LRRTM4: variants seen among roughly 807,000 people sequenced by gnomAD.
LRRTM4 encodes leucine-rich repeat transmembrane neuronal protein 4.
LRRTM4 carries 25 observed loss-of-function variants against 47.6 expected under a neutral mutation model. That is an observed-to-expected ratio of 0.53 (90% CI 0.38 to 0.73). The LOEUF is 0.73. Ranked by LOEUF, LRRTM4 falls within the 30% of genes least tolerant of loss-of-function variation. LRRTM4 has a pLI of 0.00. For synonymous variants in LRRTM4, 311 were observed against 269.5 expected (o/e 1.15, Z -1.51); for missense variants, 638 against 713.4 (o/e 0.89, Z 1.20).
chr2:77,174,242 C>T (rs766788684), intron 3 of LRRTM4, among the ~76,000 whole-genome samples: 7 of 152,150 alleles, frequency 4.6e-5, no homozygotes, highest in Admixed American at 1.3e-4. Context: ...TTGTTTCCCT[C>T]CTAGGCCTGT....
intron 3 of LRRTM4, among the ~76,000 whole-genome samples, chr2:76,896,247 T>C (rs914312048): frequency 1.3e-5 from 2 of 151,858 alleles, no homozygotes; most frequent in South Asian, 2.1e-4. Context: ...ATTTAGCCTC[T>C]TGGTTATGTT....
intron 3 of LRRTM4, among the ~76,000 whole-genome samples, chr2:77,057,027 G>C (rs1013632388): frequency 3.3e-5 from 5 of 152,138 alleles, no homozygotes; most frequent in African/African-American, 1.2e-4. Context: ...CTATTCTTTT[G>C]CATATTGTTA....
intron 3 of LRRTM4, among the ~76,000 whole-genome samples, chr2:76,868,688 G>A (rs1672534169): frequency 6.6e-6 from 1 of 152,080 alleles, no homozygotes; most frequent in African/African-American, 2.4e-5. Flanking sequence ...AATATTCAGT[G>A]GATTTGCAAT....
intron 3 of LRRTM4, among the ~76,000 whole-genome samples, chr2:77,490,076 C>G (rs562861434): frequency 6.6e-6 from 1 of 152,066 alleles, no homozygotes; most frequent in African/African-American, 2.4e-5. Flanking sequence ...ATGGTGAAAC[C>G]CCATCTCTAC....
intron 3 of LRRTM4, among the ~76,000 whole-genome samples, chr2:76,904,901 C>A (rs980335825): frequency 6.6e-6 from 1 of 152,056 alleles, no homozygotes; most frequent in East Asian, 1.9e-4. Flanking sequence ...GCCAAGATGG[C>A]CAAATAGGAA....
intron 3 of LRRTM4, among the ~76,000 whole-genome samples, chr2:77,110,344 C>G (rs1057017722): frequency 6.6e-6 from 1 of 152,072 alleles, no homozygotes; most frequent in Admixed American, 6.5e-5. Context: ...AATACAATAA[C>G]ATCTTCAGGC....
intron 3 of LRRTM4, among the ~76,000 whole-genome samples, chr2:76,949,702 C>T (rs969254049): frequency 6.6e-6 from 1 of 151,942 alleles, no homozygotes; most frequent in African/African-American, 2.4e-5. Flanking sequence ...AAATGTGTTA[C>T]TTCTCTGTAA....
chr2:76,966,540 A>C (rs1676031864), intron 3 of LRRTM4, among the ~76,000 whole-genome samples: 1 of 151,484 alleles, frequency 6.6e-6, no homozygotes, highest in African/African-American at 2.4e-5. Context: ...GCAAGCAAAC[A>C]AACACAAGCA....
At chr2:76,951,147 A>G (rs1333223607) in intron 3 of LRRTM4, among the ~76,000 whole-genome samples, 2 of 152,120 alleles carry the variant, frequency 1.3e-5, no homozygotes, top group African/African-American at 2.4e-5. Context: ...GGAAAAAATT[A>G]TAAGTCTTGT....
intron 3 of LRRTM4, among the ~76,000 whole-genome samples, chr2:77,014,280 A>C (rs1243731765): frequency 6.6e-6 from 1 of 152,286 alleles, no homozygotes; most frequent in African/African-American, 2.4e-5. Flanking sequence ...TTGAGCACAT[A>C]CATATTAGAA....
intron 3 of LRRTM4, among the ~76,000 whole-genome samples, chr2:77,263,838 C>T (rs563789894): frequency 6.6e-6 from 1 of 152,044 alleles, no homozygotes; most frequent in African/African-American, 2.4e-5. Flanking sequence ...TGTTTTTATA[C>T]CTAGATTTCA....
At chr2:77,171,821 A>G (rs1463351570) in intron 3 of LRRTM4, among the ~76,000 whole-genome samples, 1 of 152,142 alleles carries the variant, frequency 6.6e-6, no homozygotes, top group East Asian at 1.9e-4. Context: ...TGCTCTTTAT[A>G]TAATTAGAAT....
intron 3 of LRRTM4, among the ~76,000 whole-genome samples, chr2:77,322,894 A>G (rs1677836205): frequency 6.6e-6 from 1 of 151,556 alleles, no homozygotes; most frequent in Admixed American, 6.6e-5. Flanking sequence ...TTTTCAAAAT[A>G]GAAATGTCAG....
intron 3 of LRRTM4, among the ~76,000 whole-genome samples, chr2:76,995,619 A>T (rs72823164): frequency 0.13 from 19,811 of 152,012 alleles, 1,572 homozygotes; most frequent in Non-Finnish European, 0.18. Context: ...TAGATCCAAA[A>T]AAGTCACAGT....
intron 3 of LRRTM4, among the ~76,000 whole-genome samples, chr2:77,228,734 T>C (rs115518759): frequency 0.015 from 2,331 of 152,344 alleles, 23 homozygotes; most frequent in Non-Finnish European, 0.022. Flanking sequence ...CCTGTCCTTG[T>C]TCATATCAGG....
intron 3 of LRRTM4, among the ~76,000 whole-genome samples, chr2:76,798,778 G>C (rs910571049): frequency 6.6e-6 from 1 of 150,836 alleles, no homozygotes; most frequent in African/African-American, 2.4e-5. Flanking sequence ...TATCACCACC[G>C]ATCCCACAGA....
intron 3 of LRRTM4, among the ~76,000 whole-genome samples, chr2:77,407,148 T>C (rs1440828104): frequency 1.3e-5 from 2 of 152,150 alleles, no homozygotes; most frequent in East Asian, 3.9e-4. Flanking sequence ...ATCTGCCCAT[T>C]TGCTTTCTGG....
chr2:77,139,526 G>A (rs1161065774), intron 3 of LRRTM4, among the ~76,000 whole-genome samples: 2 of 152,110 alleles, frequency 1.3e-5, no homozygotes, highest in African/African-American at 4.8e-5. Flanking sequence ...ATATCATACT[G>A]AATGGGCAAA....
chr2:77,091,466 T>C (rs556020956), intron 3 of LRRTM4, among the ~76,000 whole-genome samples: 2 of 150,476 alleles, frequency 1.3e-5, no homozygotes, highest in Admixed American at 1.3e-4. Flanking sequence ...TCCCCCATTT[T>C]ACCAGTCCTA....
Sources: gnomAD v4.1 joint callset for allele counts (sites outside exome capture counted in the v4.1 genomes callset) on GRCh38, gnomAD v4.1.1 for gene constraint, MANE v1.5 for transcripts, NCBI Gene and HGNC (gene_info 2026-07-23, HGNC 2026-07-21) for gene names.